RIMKLB: variants seen among roughly 807,000 people sequenced by gnomAD.
RIMKLB encodes the protein beta-citrylglutamate synthase B.
A neutral mutation model predicts 32.0 loss-of-function variants in RIMKLB; 7 were observed. That is an observed-to-expected ratio of 0.22 (90% CI 0.12 to 0.41). RIMKLB has a LOEUF of 0.41. Ranked by LOEUF, RIMKLB falls within the 10% of genes least tolerant of loss-of-function variation. RIMKLB has a pLI of 1.00. For missense variants in RIMKLB, 289 were observed against 498.7 expected (o/e 0.58, Z 4.00); for synonymous variants, 172 against 185.1 (o/e 0.93, Z 0.57).
intron 5 of RIMKLB, among the ~76,000 whole-genome samples, chr12:8,770,586 T>G (rs1950325085): frequency 6.6e-6 from 1 of 152,190 alleles, no homozygotes; most frequent in Non-Finnish European, 1.5e-5. Flanking sequence ...TCTTGATTAT[T>G]TTTCCTGGTG....
At chr12:8,731,377 TG>T (rs1159625774) in intron 2 of RIMKLB, among the ~76,000 whole-genome samples, 1 of 151,980 alleles carries the variant, frequency 6.6e-6, no homozygotes, top group African/African-American at 2.4e-5. Context: ...GGATTACAGG[TG>T]TGAGCCACTG....
intron 2 of RIMKLB, among the ~76,000 whole-genome samples, chr12:8,723,776 G>GTAA (rs954103786): frequency 7.0e-6 from 1 of 142,090 alleles, no homozygotes; most frequent in African/African-American, 2.6e-5. Flanking sequence ...ACACTGGCCT[G>GTAA]TAATTCTCAT....
chr12:8,682,413 TCAATGCCAGG>T (rs1292184972), intron 1 of RIMKLB, among the ~76,000 whole-genome samples: 3 of 152,182 alleles, frequency 2.0e-5, no homozygotes, highest in Non-Finnish European at 4.4e-5. Flanking sequence ...GGTTTCCTTC[TCAATGCCAGG>T]CACTGCGTTG....
intron 1 of RIMKLB, among the ~76,000 whole-genome samples, chr12:8,710,219 C>T (rs1944256486): frequency 6.6e-6 from 1 of 151,162 alleles, no homozygotes; most frequent in African/African-American, 2.4e-5. Context: ...GTCTTGAACT[C>T]CTGACCTCAA....
rs143013442 is a variant in RIMKLB, at chr12:8,752,462, G to T, written c.493+419G>T. On this transcript the variant is annotated intron_variant, in intron 4 of 5. Coordinates refer to ENST00000535829, the MANE Select transcript of RIMKLB (RefSeq NM_001297776.2). The stretch of plus-strand genomic sequence containing the variant: ...AACTACTCGGGAGGCTGAGGGAAGA[G>T]AATTGCTTGAACCCGGGAGGCGGAG... Among the ~76,000 whole-genome samples the T allele has an allele frequency of 8.8e-4, 134 of 152,148 alleles. 2 individuals carry two copies. The East Asian group carries it at 0.016, about 18-fold the overall frequency.
intron 2 of RIMKLB, among the ~76,000 whole-genome samples, chr12:8,726,813 C>T (rs1328698288): frequency 6.6e-6 from 1 of 152,124 alleles, no homozygotes; most frequent in Non-Finnish European, 1.5e-5. Context: ...GTTTACAGTG[C>T]TGTTGATATG....
At chr12:8,780,614 T>TC (rs1445421104), downstream of RIMKLB, 1 of 152,202 alleles carries the variant, frequency 6.6e-6, no homozygotes, top group African/African-American at 2.4e-5. Context: ...AGGAAGGAAT[T>TC]CTTCAGATTG....
intron 1 of RIMKLB, among the ~76,000 whole-genome samples, chr12:8,711,019 A>C (rs1944330581): frequency 6.6e-6 from 1 of 151,844 alleles, no homozygotes. Context: ...GCTCACGCCT[A>C]TAATTCCATC....
At chr12:8,735,391 A>G (rs1001314974) in intron 2 of RIMKLB, among the ~76,000 whole-genome samples, 3 of 152,108 alleles carry the variant, frequency 2.0e-5, no homozygotes, top group Non-Finnish European at 4.4e-5. Flanking sequence ...CACCATGCCC[A>G]GCTAATTTTT....
At chr12:8,720,819 C>T (rs1009595346) in intron 2 of RIMKLB, among the ~76,000 whole-genome samples, 9 of 152,152 alleles carry the variant, frequency 5.9e-5, no homozygotes, top group African/African-American at 2.2e-4. Flanking sequence ...GGATTACAGG[C>T]ATGAGCCACC....
chr12:8,745,735 C>T (rs890339125), intron 2 of RIMKLB, among the ~76,000 whole-genome samples: 15 of 148,726 alleles, frequency 1.0e-4, no homozygotes, highest in Admixed American at 2.0e-4. Context: ...CACTCTGTCG[C>T]CGAGGCTGGA....
At chr12:8,707,113 C>T (rs1366491661) in intron 1 of RIMKLB, among the ~76,000 whole-genome samples, 2 of 152,158 alleles carry the variant, frequency 1.3e-5, no homozygotes, top group African/African-American at 2.4e-5. Flanking sequence ...ACAGAAGATC[C>T]ACTGATGGAG....
intron 2 of RIMKLB, among the ~76,000 whole-genome samples, chr12:8,720,012 G>T (rs889082981): frequency 1.3e-5 from 2 of 152,154 alleles, no homozygotes; most frequent in African/African-American, 4.8e-5. Context: ...GTGAGTGTAG[G>T]TGTGCACCAA....
chr12:8,776,025 T>G lies in RIMKLB; in HGVS notation c.*2241T>G, dbSNP rs1403091769. 1.0e-6 allele frequency: 1 copy of G among 984,072 alleles called. No homozygotes were observed. The highest frequency in any genetic ancestry group is 1.2e-6 in the Non-Finnish European group (1 of 828,808). 61.0% of individuals were successfully genotyped at this position (984,072 alleles called of 1,614,324 possible). On this transcript the variant is annotated 3_prime_UTR_variant, in exon 6 of 6. Coordinates refer to ENST00000535829, the MANE Select transcript of RIMKLB (RefSeq NM_001297776.2). ...GGAAGAAAGAACTGCTTAATTAAAT[T>G]ATCATTCATATGTTCATATAGAGAC...
At chr12:8,777,809 T>TAACTC (rs1161447609), downstream of RIMKLB, 4 of 578,888 alleles carry the variant, frequency 6.9e-6, no homozygotes, top group Non-Finnish European at 9.0e-6. Context: ...ACAGGTAATT[T>TAACTC]AACTCTTTCT....
intron 2 of RIMKLB, among the ~76,000 whole-genome samples, chr12:8,745,988 C>G (rs1251128557): frequency 2.0e-5 from 3 of 151,898 alleles, no homozygotes; most frequent in African/African-American, 4.9e-5. Flanking sequence ...AGCCACTGAG[C>G]CTGACCCCAT....
intron 1 of RIMKLB, among the ~76,000 whole-genome samples, chr12:8,704,052 A>G (rs1366087760): frequency 2.0e-5 from 3 of 152,202 alleles, no homozygotes; most frequent in South Asian, 2.1e-4. Flanking sequence ...TGTTCCTCAC[A>G]TTATTATATA....
intron 1 of RIMKLB, among the ~76,000 whole-genome samples, chr12:8,704,483 C>G (rs1374022594): frequency 6.6e-6 from 1 of 152,046 alleles, no homozygotes; most frequent in Non-Finnish European, 1.5e-5. Flanking sequence ...CATGACTTAA[C>G]CTGTAGAAAG....
At chr12:8,756,684 C>CTTTTTTTTTTTTTT (rs145312687) in intron 5 of RIMKLB, among the ~76,000 whole-genome samples, 3 of 90,964 alleles carry the variant, frequency 3.3e-5, no homozygotes, top group Admixed American at 1.4e-4. Context: ...TTACTTTCTA[C>CTTTTTTTTTTTTTT]TTTTTTTTTT....
Sources: gnomAD v4.1 joint callset for allele counts (sites outside exome capture counted in the v4.1 genomes callset) on GRCh38, gnomAD v4.1.1 for gene constraint, MANE v1.5 for transcripts, NCBI Gene and HGNC (gene_info 2026-07-23, HGNC 2026-07-21) for gene names.